The following RNF130 variants were observed in gnomAD, a reference collection of about 807,000 sequenced individuals.
RNF130 encodes ring finger protein 130.
A neutral mutation model predicts 44.6 loss-of-function variants in RNF130; 21 were observed. The observed-to-expected ratio is 0.47, with a 90% CI of 0.33 to 0.68. The LOEUF is 0.68. Ranked by LOEUF, RNF130 falls within the 30% of genes least tolerant of loss-of-function variation. The pLI, the probability that RNF130 is intolerant of heterozygous loss-of-function variation, is 0.02. For synonymous variants in RNF130, 214 were observed against 210.4 expected (o/e 1.02, Z -0.15); for missense variants, 479 against 560.6 (o/e 0.85, Z 1.47).
intron 5 of RNF130, among the ~76,000 whole-genome samples, 163 bp from the exon 6 acceptor site, chr5:179,970,669 C>G (rs961722712): frequency 2.6e-5 from 4 of 152,180 alleles, no homozygotes; most frequent in African/African-American, 9.6e-5. Flanking sequence ...ATATAACTTG[C>G]AGAAAATCTC....
intron 7 of RNF130, among the ~76,000 whole-genome samples, chr5:179,945,986 TGTGA>T (rs1252928831): frequency 1.3e-5 from 2 of 152,240 alleles, no homozygotes; most frequent in East Asian, 1.9e-4. Flanking sequence ...TCTGCCCAGC[TGTGA>T]GTGACAGAAG....
At chr5:180,025,600 AGTGT>A (rs1234832187) in intron 2 of RNF130, among the ~76,000 whole-genome samples, 1 of 152,058 alleles carries the variant, frequency 6.6e-6, no homozygotes, top group African/African-American at 2.4e-5. Flanking sequence ...CTACTGCTTA[AGTGT>A]TTCAGTTTTA....
chr5:179,927,682 A>G (rs1199927466), intron 7 of RNF130, among the ~76,000 whole-genome samples: 1 of 144,592 alleles, frequency 6.9e-6, no homozygotes, highest in Non-Finnish European at 1.5e-5. Flanking sequence ...TCTGCCTCCC[A>G]GGTTCAAGCA....
Position 180,040,654 on chromosome 5 carries a change from A to G in RNF130, c.248-7T>C, listed in dbSNP as rs1430196113. On this transcript the variant is annotated splice_polypyrimidine_tract_variant and splice_region_variant and intron_variant, in intron 1 of 8. Coordinates refer to ENST00000521389, the MANE Select transcript of RNF130 (RefSeq NM_018434.6). ...CAGCCCAGATGATCAGCAACTGAAA[A>G]GAAAAAGAAATACACACATTAAAGA... The G allele has an allele frequency of 1.2e-6, 2 of 1,609,200 alleles. No homozygotes were observed. The highest frequency in any genetic ancestry group is 8.5e-7 in the Non-Finnish European group (1 of 1,177,812).
chr5:180,019,664 T>C (rs1763828508), intron 2 of RNF130, among the ~76,000 whole-genome samples: 1 of 152,232 alleles, frequency 6.6e-6, no homozygotes, highest in African/African-American at 2.4e-5. Flanking sequence ...AGATACATTC[T>C]ACATTCTTTT....
chr5:179,939,961 T>C (rs1253202792), intron 7 of RNF130: 1 of 220,584 alleles, frequency 4.5e-6, no homozygotes. Context: ...CCTTTTTTTT[T>C]TTTCTAGCAT....
At chr5:179,950,738 G>C (rs983944426), downstream of RNF130, among the ~76,000 whole-genome samples, 1 of 152,108 alleles carries the variant, frequency 6.6e-6, no homozygotes, top group Non-Finnish European at 1.5e-5. Flanking sequence ...TTAATACTAT[G>C]ACTTGAAATA....
rs1165183331 is a variant in RNF130, at chr5:179,977,057, TG to T, written c.848+1145del. 6 of 152,198 alleles carry T rather than the reference TG, an allele frequency of 3.9e-5. No individual in the cohort carries two copies. The highest frequency in any genetic ancestry group is 3.9e-4 in the Admixed American group (6 of 15,278). The allele number at this position is 152,198 out of a possible 1,614,324, so 9.4% of individuals were successfully genotyped here. ...TCATGGAGGAAGGCTTGGTCCCATG[TG>T]GGGAGCACCACATTAAAGGCAGGCC... is the stretch of plus-strand genomic sequence containing the variant. On this transcript the variant is annotated intron_variant, in intron 5 of 8. Transcript: ENST00000521389. This position sits in a 1 kb window ranked among gnomAD's most constrained non-coding sequence, Gnocchi z 4.1.
intron 7 of RNF130, among the ~76,000 whole-genome samples, chr5:179,927,389 G>A (rs1761720940): frequency 6.6e-6 from 1 of 152,126 alleles, no homozygotes; most frequent in Admixed American, 6.6e-5. Flanking sequence ...CCTACATACA[G>A]ATATGTGCAC....
chr5:180,057,107 T>C (rs950136989), intron 1 of RNF130, among the ~76,000 whole-genome samples: 5 of 152,344 alleles, frequency 3.3e-5, no homozygotes, highest in African/African-American at 1.2e-4. Flanking sequence ...AAGGTGACTC[T>C]TGGAAGATGG....
intron 6 of RNF130, among the ~76,000 whole-genome samples, chr5:179,969,662 G>A (rs1004732562): frequency 2.0e-5 from 3 of 151,770 alleles, no homozygotes; most frequent in African/African-American, 4.8e-5. Flanking sequence ...GAGGCCAGGA[G>A]TTGAGACCCG....
At chr5:179,948,917 T>C (rs1477086325) in intron 7 of RNF130, among the ~76,000 whole-genome samples, 1 of 152,056 alleles carries the variant, frequency 6.6e-6, no homozygotes, top group Non-Finnish European at 1.5e-5. Flanking sequence ...CAGGTGACGT[T>C]CTTATCAACT....
At chr5:180,034,663 G>A (rs1051102446) in intron 2 of RNF130, among the ~76,000 whole-genome samples, 9 of 152,076 alleles carry the variant, frequency 5.9e-5, no homozygotes, top group African/African-American at 1.2e-4. Flanking sequence ...ACTATCCGTC[G>A]AAAGGCCTGC....
At chr5:179,964,551 G>C (rs1762402136) in intron 7 of RNF130, 1 of 152,174 alleles carries the variant, frequency 6.6e-6, no homozygotes, top group Admixed American at 6.5e-5. Context: ...CTTTACACGT[G>C]GACTGCCAAA....
intron 2 of RNF130, among the ~76,000 whole-genome samples, chr5:180,026,854 A>G (rs1461169757): frequency 6.6e-6 from 1 of 152,180 alleles, no homozygotes; most frequent in African/African-American, 2.4e-5. Flanking sequence ...GAAAGACATG[A>G]CACAAACTTT....
chr5:179,946,624 G>A (rs1762044280), intron 7 of RNF130, among the ~76,000 whole-genome samples: 1 of 151,154 alleles, frequency 6.6e-6, no homozygotes, highest in East Asian at 1.9e-4. Flanking sequence ...TGTGATCTTG[G>A]CTCACTGCAA....
At chr5:179,953,723 T>C (rs890192580), downstream of RNF130, among the ~76,000 whole-genome samples, 1 of 152,110 alleles carries the variant, frequency 6.6e-6, no homozygotes, top group Non-Finnish European at 1.5e-5. Context: ...TTCTTAGACA[T>C]CTAAAGTACA....
chr5:179,965,646 TCAA>T (rs1762425473), intron 7 of RNF130, among the ~76,000 whole-genome samples: 1 of 152,124 alleles, frequency 6.6e-6, no homozygotes. Flanking sequence ...CCATAAAACC[TCAA>T]CGCCAAAGTA....
chr5:180,031,971 T>C (rs1013801483), intron 2 of RNF130, among the ~76,000 whole-genome samples: 7 of 152,234 alleles, frequency 4.6e-5, no homozygotes, highest in African/African-American at 1.7e-4. Context: ...AGTATTGTTT[T>C]GGTTGCACTG....
Sources: allele counts gnomAD v4.1 joint callset (sites outside exome capture counted in the v4.1 genomes callset), GRCh38; gene constraint gnomAD v4.1.1; non-coding constraint Gnocchi (gnomAD v3.1); transcripts MANE v1.5; gene names NCBI Gene and HGNC (gene_info 2026-07-23, HGNC 2026-07-21).